ALOX12: variants seen among roughly 807,000 people sequenced by gnomAD.
ALOX12 encodes polyunsaturated fatty acid lipoxygenase ALOX12.
In ALOX12, 62 loss-of-function variants were observed where a neutral mutation model predicts 85.5. The observed-to-expected ratio is 0.73, with a 90% CI of 0.59 to 0.90. The LOEUF is 0.90. ALOX12 is among the 40% of genes least tolerant of loss of function. The pLI is 0.00. For synonymous variants in ALOX12, 299 were observed against 332.7 expected, an observed-to-expected ratio of 0.90 and a Z score of 1.10; for missense variants, 751 against 856.5, an observed-to-expected ratio of 0.88 and a Z score of 1.54.
intron 2 of ALOX12, among the ~76,000 whole-genome samples, chr17:6,998,153 G>A (rs750613327): frequency 6.6e-6 from 1 of 152,096 alleles, no homozygotes; most frequent in Non-Finnish European, 1.5e-5. Context: ...AGGTGTAGGT[G>A]TATAGGTGAC....
Position 7,001,684 on chromosome 17 carries a change from C to T in ALOX12, c.1034C>T (p.Ser345Phe). The T allele has an allele frequency of 3.1e-6, 5 of 1,614,174 alleles. No homozygotes were observed. Among genetic ancestry groups the T allele is most frequent in the East Asian group, 2.2e-5 (1 of 44,890 alleles). The change falls in exon 8 of 14, where the codon TCC (serine) becomes TTC (phenylalanine). Residue 345 changes from serine (S) to phenylalanine (F), a missense_variant. By Grantham distance (155) the Ser-to-Phe change is radical. Coordinates refer to ENST00000251535, the MANE Select transcript of ALOX12 (RefSeq NM_000697.3). ...DPPLAWLLAK[S>F]WVRNSDFQLH... is the part of the protein sequence containing the mutation. Reference sequence around the variant, plus strand: ...CCACTTGCCTGGCTCCTGGCAAAGTCCTGGGTCCGAAATTCAGATTTCCAA... The same window carrying T: ...CCACTTGCCTGGCTCCTGGCAAAGTTCTGGGTCCGAAATTCAGATTTCCAA...
intron 9 of ALOX12, 58 bp downstream of exon 9, chr17:7,005,401 T>C: frequency 6.9e-7 from 1 of 1,454,400 alleles, no homozygotes; most frequent in South Asian, 1.1e-5. Flanking sequence ...TCTGCCACTT[T>C]CAGGATCCAA....
intron 8 of ALOX12, chr17:7,002,330 C>CA (rs1908750578): frequency 2.7e-6 from 1 of 366,244 alleles, no homozygotes. Context: ...TGTATGTTAG[C>CA]ATGGTAATGA....
At chr17:7,003,342 C>T (rs1245644854) in intron 8 of ALOX12, among the ~76,000 whole-genome samples, 2 of 152,204 alleles carry the variant, frequency 1.3e-5, no homozygotes, top group African/African-American at 4.8e-5. Flanking sequence ...CAGATGTCCT[C>T]ACATGTTCCA....
At chr17:7,004,213 TTAAA>T (rs1908888823) in intron 8 of ALOX12, among the ~76,000 whole-genome samples, 1 of 140,422 alleles carries the variant, frequency 7.1e-6, no homozygotes. Context: ...AATTTTAATA[TTAAA>T]TTAATTTAAT....
rs917385857 is a variant in ALOX12, at chr17:6,999,453, A to C, written c.794A>C (p.Glu265Ala). Residue 265 changes from glutamate to alanine, a missense_variant, in exon 6 of 14, where the codon GAG becomes GCG. By Grantham distance (107) the Glu-to-Ala change is moderately radical. Transcript: ENST00000251535. The stretch of plus-strand genomic sequence containing the variant: ...ATGGAAGAGCTTCAGGCTCAACTGG[A>C]GAAAGAACTTCAGGTACCTCTCCTT... ...SGMEELQAQL[E>A]KELQNGSLFE... 8.1e-6 allele frequency: 13 copies of C among 1,614,130 alleles called. No homozygotes were observed. Among genetic ancestry groups the C allele is most frequent in the Non-Finnish European group, 9.3e-6 (11 of 1,179,988 alleles).
intron 3 of ALOX12, 49 bp downstream of exon 3, chr17:6,998,639 T>C: frequency 6.3e-7 from 1 of 1,598,790 alleles, no homozygotes; most frequent in Non-Finnish European, 8.6e-7. Context: ...TCCCACCCCT[T>C]CCCTGCCCCT....
chr17:6,996,394 G>C (rs948254478), intron 1 of ALOX12, 142 bp downstream of exon 1: 3 of 1,018,646 alleles, frequency 2.9e-6, no homozygotes, highest in Middle Eastern at 3.6e-4. Context: ...CACGAAGCTG[G>C]GACGAGGTGG....
At chr17:7,006,159 A>G in intron 10 of ALOX12, 132 bp downstream of exon 10, 2 of 835,392 alleles carry the variant, frequency 2.4e-6, no homozygotes, top group Non-Finnish European at 3.7e-6. Context: ...GAGATGAGGA[A>G]AAGTGAGGAC....
chr17:7,007,375 A>C (rs1909140252), intron 11 of ALOX12, among the ~76,000 whole-genome samples: 1 of 152,176 alleles, frequency 6.6e-6, no homozygotes, highest in South Asian at 2.1e-4. Flanking sequence ...CTCACACTTC[A>C]GATCTAGGCT....
intron 5 of ALOX12, 47 bp downstream of exon 5, chr17:6,999,103 G>C: frequency 6.3e-7 from 1 of 1,576,134 alleles, no homozygotes; most frequent in Non-Finnish European, 8.7e-7. Flanking sequence ...GGCCCCTCTG[G>C]ATGACTCATC....
chr17:7,010,285 C>G lies in ALOX12; in HGVS notation c.1854C>G (p.Pro618=), dbSNP rs745458827. 1 of 1,614,164 alleles carries G rather than the reference C, an allele frequency of 6.2e-7. No homozygotes were observed. The highest frequency in any genetic ancestry group is 8.5e-7 in the Non-Finnish European group (1 of 1,180,028). ...ACAAAGAAAAATATTTCTCAGGCCC[C>G]AAGCCCAAAGCTGTGCTAAACCAAT... ...GHHKEKYFSG[P]KPKAVLNQFR... Residue 618 remains proline, a synonymous_variant, in exon 14 of 14, where the codon CCC becomes CCG. Coordinates refer to ENST00000251535, the MANE Select transcript of ALOX12 (RefSeq NM_000697.3).
In ALOX12 at chr17:7,000,461, G is replaced by A; in HGVS notation, c.933G>A (p.Leu311=). Residue 311 remains leucine, a synonymous_variant, in exon 7 of 14, where the codon CTG becomes CTA. Coordinates refer to ENST00000251535, the MANE Select transcript of ALOX12 (RefSeq NM_000697.3). The surrounding 1 kb of genome is among the most constrained non-coding windows in gnomAD (Gnocchi z 4.6). ...TGAAGATGGAGCCCAATGGGAAGCT[G>A]CAGCCCATGGTCATCCAGGTAAGGG... ...VMLKMEPNGK[L]QPMVIQIQPP... 1 of 1,613,926 alleles carries A rather than the reference G, an allele frequency of 6.2e-7. No individual in the cohort carries two copies. Among genetic ancestry groups the A allele is most frequent in the Non-Finnish European group, 8.5e-7 (1 of 1,179,988 alleles).
intron 2 of ALOX12, among the ~76,000 whole-genome samples, chr17:6,997,741 T>A (rs1275052552): frequency 6.6e-6 from 1 of 151,366 alleles, no homozygotes; most frequent in Non-Finnish European, 1.5e-5. Context: ...ATATTTTTTT[T>A]AGTAGAGATG....
chr17:7,007,561 C>T (rs898652296), intron 11 of ALOX12, among the ~76,000 whole-genome samples: 10 of 152,156 alleles, frequency 6.6e-5, no homozygotes, highest in African/African-American at 2.4e-4. Context: ...CAGTACAGTC[C>T]CTTAGGCTCC....
At chr17:7,009,042 G>A (rs768511671) in intron 11 of ALOX12, among the ~76,000 whole-genome samples, 3 of 150,618 alleles carry the variant, frequency 2.0e-5, no homozygotes, top group South Asian at 2.1e-4. Flanking sequence ...ATGAGTCACC[G>A]ACCACGCATC....
Position 6,997,038 on chromosome 17 carries a change from G to A in ALOX12, c.337+11G>A, listed in dbSNP as rs374987218. On this transcript the variant is annotated intron_variant, in intron 2 of 13. Transcript: ENST00000251535. The stretch of plus-strand genomic sequence containing the variant: ...TGCCCGAGGGCACCGGTGAGCAGGC[G>A]GCGTCGGGGAAGGAGGCACAAGGTC... The A allele has an allele frequency of 1.0e-5, 16 of 1,528,760 alleles. 2 individuals are homozygous for A. The highest frequency in any genetic ancestry group is 8.2e-5 in the African/African-American group (6 of 72,840). 94.7% of individuals were successfully genotyped at this position (1,528,760 alleles called of 1,614,324 possible). A position where few individuals can be genotyped will look rare whatever the true frequency, so the allele number is the denominator to read the frequency against.
Position 6,996,914 on chromosome 17 carries a change from C to A in ALOX12, c.224C>A (p.Ala75Glu), listed in dbSNP as rs934428232. ...AAGCACCACTGGCTGGTGGACGACG[C>A]GTGGTTCTGCGACCGCATCACGGTG... is the stretch of plus-strand genomic sequence containing the variant. ...LRKHHWLVDDAWFCDRITVQG... is the reference protein window; with the variant it reads ...LRKHHWLVDDEWFCDRITVQG... The change falls in exon 2 of 14, where the codon GCG (alanine) becomes GAG (glutamate). Residue 75 changes from alanine to glutamate, a missense_variant. Ala to Glu is a moderately radical substitution (Grantham distance 107, BLOSUM62 -1). Coordinates refer to ENST00000251535, the MANE Select transcript of ALOX12 (RefSeq NM_000697.3). The A allele has an allele frequency of 1.2e-6, 2 of 1,612,844 alleles. No individual in the cohort carries two copies. Among genetic ancestry groups the A allele is most frequent in the Non-Finnish European group, 8.5e-7 (1 of 1,179,474 alleles).
Position 6,999,015 on chromosome 17 carries a change from A to T in ALOX12, c.605A>T (p.Asp202Val). The T allele has an allele frequency of 1.7e-5, 28 of 1,613,954 alleles. No individual in the cohort carries two copies. Among genetic ancestry groups the T allele is most frequent in the Non-Finnish European group, 2.4e-5 (28 of 1,180,002 alleles). ...CTGAGCTCCTGGAACTGCCTAGAAGACTTTGATCAGATCTTCTGGGGCCAG... is the reference window on the plus strand; with the variant it reads ...CTGAGCTCCTGGAACTGCCTAGAAGTCTTTGATCAGATCTTCTGGGGCCAG... Reference protein sequence around the residue: ...TLLSSWNCLEDFDQIFWGQKS... With the variant: ...TLLSSWNCLEVFDQIFWGQKS... The change falls in exon 5 of 14, where the codon GAC (aspartate) becomes GTC (valine). Residue 202 changes from aspartate (D) to valine (V), a missense_variant. Asp to Val is a radical substitution (Grantham distance 152, BLOSUM62 -3). Transcript: ENST00000251535.
Sources: gnomAD v4.1 joint callset for allele counts (sites outside exome capture counted in the v4.1 genomes callset) on GRCh38, gnomAD v4.1.1 for gene constraint, Gnocchi (gnomAD v3.1) non-coding constraint, MANE v1.5 for transcripts, NCBI Gene and HGNC (gene_info 2026-07-23, HGNC 2026-07-21) for gene names.